Variants in TEK observed in about 807,000 individuals in gnomAD.
TEK encodes the protein TEK receptor tyrosine kinase.
Under a neutral mutation model 131.8 loss-of-function variants are expected in TEK, and 43 were observed. The ratio of observed to expected loss-of-function variants is 0.33; its 90% CI spans 0.26 to 0.42. The LOEUF is 0.42. Among genes scored for constraint, TEK ranks in the 10% least tolerant of loss-of-function variants. The pLI is 1.00. For synonymous variants in TEK, 580 were observed against 491.6 expected (o/e 1.18, Z -2.38); for missense variants, 1,162 against 1,384.4 (o/e 0.84, Z 2.55).
At chr9:27,184,673 C>A (rs944033387) in intron 8 of TEK, among the ~76,000 whole-genome samples, 5 of 152,084 alleles carry the variant, frequency 3.3e-5, no homozygotes, top group Admixed American at 1.3e-4. Context: ...CTTAACATTG[C>A]CTAGTGTCTC....
rs201936476 is a variant in TEK at position 27,214,649 on chromosome 9, A to AT, written c.2991+1059dup. On this transcript the variant is annotated intron_variant, in intron 18 of 22. Transcript: ENST00000380036. ...CATAATTCACCACCTTGGCATATAT[A>AT]TTTTTTTCATTTTGGCTTATTGCCT... Among the ~76,000 whole-genome samples, 386 of 152,156 alleles carry AT rather than the reference A, an allele frequency of 2.5e-3. 2 individuals are homozygous for AT. Among genetic ancestry groups the AT allele is most frequent in the Admixed American group, 0.022 (333 of 15,262 alleles).
intron 1 of TEK, among the ~76,000 whole-genome samples, chr9:27,142,408 GAGACCT>G (rs1822760750): frequency 6.6e-6 from 1 of 152,186 alleles, no homozygotes; most frequent in Non-Finnish European, 1.5e-5. Flanking sequence ...GACAGAATTA[GAGACCT>G]AGATTTGGAA....
At chr9:27,173,111 G>C (rs1824026915) in intron 5 of TEK, 111 bp from the exon 6 acceptor site, 1 of 1,430,092 alleles carries the variant, frequency 7.0e-7, no homozygotes, top group African/African-American at 1.4e-5. Flanking sequence ...CCACAGCTGA[G>C]ATTTGACTGT....
chr9:27,169,515 G>C lies in TEK; in HGVS notation c.514G>C (p.Asp172His), dbSNP rs891063377. 4 of 1,614,006 alleles carry C rather than the reference G, an allele frequency of 2.5e-6. No individual in the cohort carries two copies. In the Admixed American group the frequency reaches 5.0e-5, roughly 20 times the overall value. Reference protein sequence around the residue: ...IHSVPRHEVPDILEVHLPHAQ... With the variant: ...IHSVPRHEVPHILEVHLPHAQ... ...TTCAGTGCCCCGGCATGAAGTACCT[G>C]ATATTCTAGAAGTACACCTGCCTCA... Residue 172 changes from aspartate (D) to histidine (H), a missense_variant, in exon 4 of 23, where the codon GAT becomes CAT. Physicochemically the swap from Asp to His is moderately conservative, Grantham distance 81. Coordinates refer to ENST00000380036, the MANE Select transcript of TEK (RefSeq NM_000459.5).
chr9:27,215,560 G>GTTT (rs58505932), intron 18 of TEK, among the ~76,000 whole-genome samples: 303 of 142,032 alleles, frequency 2.1e-3, no homozygotes, highest in African/African-American at 7.6e-3. Context: ...CTGCATTAGG[G>GTTT]TTTTTTTTTT....
At chr9:27,132,025 G>T (rs965954833) in intron 1 of TEK, among the ~76,000 whole-genome samples, 1 of 151,466 alleles carries the variant, frequency 6.6e-6, no homozygotes. Context: ...ATTTATATTT[G>T]GAATGTTCTA....
chr9:27,131,426 C>G (rs1822214415), intron 1 of TEK, among the ~76,000 whole-genome samples: 1 of 147,226 alleles, frequency 6.8e-6, no homozygotes, highest in African/African-American at 2.5e-5. Context: ...TTACAGTGAG[C>G]TGAGATCATG....
chr9:27,159,154 G>T (rs940474275), intron 2 of TEK, among the ~76,000 whole-genome samples: 2 of 152,162 alleles, frequency 1.3e-5, no homozygotes, highest in African/African-American at 2.4e-5. Context: ...CCTTGGCTGG[G>T]GCAACTTTGC....
intron 16 of TEK, among the ~76,000 whole-genome samples, chr9:27,212,132 C>G (rs941073408): frequency 2.6e-5 from 4 of 152,012 alleles, no homozygotes; most frequent in African/African-American, 9.7e-5. Flanking sequence ...ATCTTTGAAA[C>G]TAACCTCTGG....
chr9:27,200,132 T>A (rs952083890), intron 12 of TEK, among the ~76,000 whole-genome samples: 1 of 152,210 alleles, frequency 6.6e-6, no homozygotes, highest in African/African-American at 2.4e-5. Context: ...TGAGTTGTGA[T>A]GATTTCTGTA....
chr9:27,225,752 T>G (rs1264872724), intron 21 of TEK, among the ~76,000 whole-genome samples: 1 of 152,138 alleles, frequency 6.6e-6, no homozygotes, highest in Non-Finnish European at 1.5e-5. Flanking sequence ...CTAATTAAAC[T>G]AAAGACCTTC....
chr9:27,163,518 T>C (rs540869857), intron 2 of TEK, among the ~76,000 whole-genome samples: 2 of 152,300 alleles, frequency 1.3e-5, no homozygotes, highest in African/African-American at 4.8e-5. Flanking sequence ...AGAAAACTCA[T>C]GACTTGGACA....
In TEK at chr9:27,212,870, G is replaced by T. The variant is rs781180534; in HGVS notation, c.2850G>T (p.Arg950=). ...QLLHFAADVA[R]GMDYLSQKQF... ...TTCACTTCGCTGCCGACGTGGCCCG[G>T]GGCATGGACTACTTGAGCCAAAAAC... Residue 950 remains arginine (R), a synonymous_variant, in exon 17 of 23, where the codon CGG becomes CGT. Coordinates refer to ENST00000380036, the MANE Select transcript of TEK (RefSeq NM_000459.5). The T allele has an allele frequency of 6.2e-7, 1 of 1,614,004 alleles. No individual in the cohort carries two copies.
chr9:27,142,592 T>G (rs1822766503), intron 1 of TEK, among the ~76,000 whole-genome samples: 1 of 152,240 alleles, frequency 6.6e-6, no homozygotes, highest in Non-Finnish European at 1.5e-5. Context: ...ATCTGCTATT[T>G]TAGATTCATA....
intron 11 of TEK, 116 bp from the exon 12 acceptor site, chr9:27,197,199 A>C: frequency 8.7e-7 from 1 of 1,147,198 alleles, no homozygotes; most frequent in Non-Finnish European, 1.3e-6. Context: ...ATCACCTCCC[A>C]CCAGGCCCCA....
intron 2 of TEK, among the ~76,000 whole-genome samples, chr9:27,164,383 A>C (rs1376222745): frequency 6.7e-6 from 1 of 148,808 alleles, no homozygotes; most frequent in South Asian, 2.1e-4. Context: ...GCAGTGGCGC[A>C]ATCTCAGCTC....
At chr9:27,156,261 C>T (rs937137555) in intron 1 of TEK, among the ~76,000 whole-genome samples, 31 of 152,022 alleles carry the variant, frequency 2.0e-4, no homozygotes, top group African/African-American at 7.2e-4. Context: ...GTTGAGATTA[C>T]GGAGAATATT....
intron 1 of TEK, among the ~76,000 whole-genome samples, chr9:27,157,300 G>C (rs1167932607): frequency 6.6e-6 from 1 of 152,110 alleles, no homozygotes; most frequent in Non-Finnish European, 1.5e-5. Flanking sequence ...GAGGCCCTGA[G>C]GGAAATGAAG....
chr9:27,177,673 C>G (rs986578663), intron 6 of TEK, among the ~76,000 whole-genome samples: 2 of 152,104 alleles, frequency 1.3e-5, no homozygotes, highest in African/African-American at 4.8e-5. Flanking sequence ...TCGCTTGAAC[C>G]AGGGAGGTGG....
Sources: gnomAD v4.1 joint callset for allele counts (sites outside exome capture counted in the v4.1 genomes callset) on GRCh38, gnomAD v4.1.1 for gene constraint, MANE v1.5 for transcripts, NCBI Gene and HGNC (gene_info 2026-07-23, HGNC 2026-07-21) for gene names.